PHF20L1: variants seen among roughly 807,000 people sequenced by gnomAD.
PHF20L1 encodes the protein PHD finger protein 20 like 1, also known as PHD finger protein 20-like protein 1.
Under a neutral mutation model 125.5 loss-of-function variants are expected in PHF20L1, and 44 were observed. The ratio of observed to expected loss-of-function variants is 0.35; its 90% confidence interval spans 0.28 to 0.45. PHF20L1 has a LOEUF of 0.45. PHF20L1 is among the 20% of genes least tolerant of loss of function. PHF20L1 has a pLI of 1.00. For synonymous variants in PHF20L1, 380 were observed against 403.1 expected (o/e 0.94, Z 0.69); for missense variants, 1,012 against 1,217.2 (o/e 0.83, Z 2.51).
chr8:132,806,648 TCAA>T (rs1484368474), intron 8 of PHF20L1: 1 of 152,114 alleles, frequency 6.6e-6, no homozygotes, highest in Non-Finnish European at 1.5e-5. Flanking sequence ...AAGATTGTCT[TCAA>T]CAGTTGAAAT....
At chr8:132,815,851 T>G (rs1732289450) in intron 10 of PHF20L1, 1 of 151,930 alleles carries the variant, frequency 6.6e-6, no homozygotes, top group South Asian at 2.1e-4. Flanking sequence ...AAGCTTCATT[T>G]CATTATGGCA....
At chr8:132,802,514 T>C (rs1833195782) in intron 6 of PHF20L1, among the ~76,000 whole-genome samples, 1 of 151,820 alleles carries the variant, frequency 6.6e-6, no homozygotes, top group Admixed American at 6.6e-5. Context: ...AGCTTATAGC[T>C]AATTGTATTT....
chr8:132,795,179 AATTCAAATCAG>A (rs1832239537), intron 4 of PHF20L1, among the ~76,000 whole-genome samples: 1 of 152,108 alleles, frequency 6.6e-6, no homozygotes, highest in South Asian at 2.1e-4. Flanking sequence ...GATTTAGGGG[AATTCAAATCAG>A]TTCAATTCAC....
intron 9 of PHF20L1, chr8:132,811,426 AC>A: frequency 9.5e-7 from 1 of 1,047,538 alleles, no homozygotes; most frequent in South Asian, 4.1e-5. Flanking sequence ...TTACAAAAAG[AC>A]CCTTACACAA....
intron 2 of PHF20L1, among the ~76,000 whole-genome samples, chr8:132,786,714 C>T (rs892064893): frequency 6.6e-6 from 1 of 152,054 alleles, no homozygotes; most frequent in Non-Finnish European, 1.5e-5. Context: ...TCAGAGCCTC[C>T]ATGACCTCCC....
At chr8:132,799,642 C>T (rs1172124835) in intron 6 of PHF20L1, 1 of 153,024 alleles carries the variant, frequency 6.5e-6, no homozygotes, top group African/African-American at 2.4e-5. Flanking sequence ...TGGAAATATG[C>T]TACGTATTTG....
intron 15 of PHF20L1, 68 bp downstream of exon 15, chr8:132,832,467 G>T: frequency 8.7e-7 from 1 of 1,148,138 alleles, no homozygotes; most frequent in Non-Finnish European, 1.3e-6. Flanking sequence ...AGAATAAAAC[G>T]TACTCTGTTA....
intron 18 of PHF20L1, among the ~76,000 whole-genome samples, chr8:132,839,952 G>T (rs1395456697): frequency 6.6e-6 from 1 of 152,080 alleles, no homozygotes; most frequent in Non-Finnish European, 1.5e-5. Context: ...TCTAAGCAGG[G>T]TGAGTATTTT....
Position 132,799,147 on chromosome 8 carries a change from C to T in PHF20L1, c.482C>T (p.Ser161Leu), listed in dbSNP as rs200752861. ...SWCCPIDPAG[S>L]CNQSMGSEDW... ...TGTTGTCCTATCGACCCAGCTGGATCGTGTAACCAGTCTATGGGAAGTGAG... is the reference window on the plus strand; with the variant it reads ...TGTTGTCCTATCGACCCAGCTGGATTGTGTAACCAGTCTATGGGAAGTGAG... Residue 161 changes from serine to leucine, a missense_variant, in exon 6 of 21, where the codon TCG becomes TTG. Physicochemically the swap from Ser to Leu is moderately radical, Grantham distance 145. This residue lies in a region of PHF20L1 where 134 missense variants were observed against 145.9 expected (regional missense o/e 0.92). Coordinates refer to ENST00000395386, the MANE Select transcript of PHF20L1 (RefSeq NM_016018.5). 5.0e-4 allele frequency: 806 copies of T among 1,609,080 alleles called. 12 individuals are homozygous for T. In the South Asian group the frequency reaches 6.0e-3, roughly 12 times the overall value.
At chr8:132,802,209 A>G (rs950458642) in intron 6 of PHF20L1, among the ~76,000 whole-genome samples, 1 of 151,292 alleles carries the variant, frequency 6.6e-6, no homozygotes, top group Non-Finnish European at 1.5e-5. Flanking sequence ...TGAAAGCTCA[A>G]CTTAGCCATA....
chr8:132,803,529 T>C lies in PHF20L1; in HGVS notation c.508-290T>C, dbSNP rs79521606. 9.3e-3 allele frequency: 3,008 copies of C among 324,534 alleles called. 87 individuals carry two copies. The highest frequency in any genetic ancestry group is 0.06 in the African/African-American group (2,745 of 45,944). The allele number at this position is 324,534 out of a possible 1,614,324, so 20.1% of individuals were successfully genotyped here. ...GTCATGTAGTATTCCATATCTGCCA[T>C]AGGTTTCCTCTGCTATTTTAGATTT... On this transcript the variant is annotated intron_variant, in intron 6 of 20. Coordinates refer to ENST00000395386, the MANE Select transcript of PHF20L1 (RefSeq NM_016018.5).
chr8:132,824,612 G>T (rs894462070), intron 13 of PHF20L1: 7 of 160,442 alleles, frequency 4.4e-5, no homozygotes, highest in Non-Finnish European at 8.3e-5. Context: ...GCAATAGCTA[G>T]TAGGATATGT....
Position 132,816,873 on chromosome 8 carries a change from A to C in PHF20L1, c.1184-15A>C, listed in dbSNP as rs759896769. 1 of 1,583,272 alleles carries C rather than the reference A, an allele frequency of 6.3e-7. No homozygotes were observed. Among genetic ancestry groups the C allele is most frequent in the Non-Finnish European group, 8.7e-7 (1 of 1,153,550 alleles). On this transcript the variant is annotated splice_polypyrimidine_tract_variant and intron_variant, in intron 10 of 20. Coordinates refer to ENST00000395386, the MANE Select transcript of PHF20L1 (RefSeq NM_016018.5). ...GTATGTATCTGCTTCGTGAACATTG[A>C]AGATCTTTTTCTAGGTCCTCCACAG...
chr8:132,836,786 C>T lies in PHF20L1; in HGVS notation c.2091+65C>T, dbSNP rs778198675. ...TTTCAGGTGCTCAGCAAATGCATCA[C>T]GGTGTTTTATTTCTTTACTGACTGT... On this transcript the variant is annotated intron_variant, in intron 16 of 20. Coordinates refer to ENST00000395386, the MANE Select transcript of PHF20L1 (RefSeq NM_016018.5). 3.2e-4 allele frequency: 382 copies of T among 1,185,792 alleles called. 1 individual carries two copies. The highest frequency in any genetic ancestry group is 4.3e-4 in the Non-Finnish European group (350 of 812,294). 73.5% of individuals were successfully genotyped at this position (1,185,792 alleles called of 1,614,324 possible). A position where few individuals can be genotyped will look rare whatever the true frequency, so the allele number is the denominator to read the frequency against.
At chr8:132,823,055 G>T (rs1019827499) in intron 12 of PHF20L1, among the ~76,000 whole-genome samples, 3 of 151,858 alleles carry the variant, frequency 2.0e-5, no homozygotes, top group African/African-American at 7.2e-5. Flanking sequence ...AGTAATTAAA[G>T]GTGCAATATT....
At chr8:132,838,183 A>G (rs907219706) in intron 17 of PHF20L1, 1 of 182,856 alleles carries the variant, frequency 5.5e-6, no homozygotes, top group Non-Finnish European at 1.2e-5. Context: ...AGACAAATAC[A>G]TTAGCATATA....
At chr8:132,843,142 T>A in intron 19 of PHF20L1, 1 of 1,111,438 alleles carries the variant, frequency 9.0e-7, no homozygotes, top group Non-Finnish European at 1.1e-6. Flanking sequence ...TTTCGATGCT[T>A]CTAAAAAATG....
In PHF20L1 at chr8:132,786,808, T is replaced by C. The variant is rs573547570; in HGVS notation, c.84-7602T>C. Among the ~76,000 whole-genome samples, 72 of 152,244 alleles carry C rather than the reference T, an allele frequency of 4.7e-4. 1 individual carries two copies. The highest frequency in any genetic ancestry group is 2.8e-4 in the Non-Finnish European group (19 of 67,984). ...AAAATAATGCATGTTATATGCCACA[T>C]GGTAGGCACATAAACATTAGTTTTA... On this transcript the variant is annotated intron_variant, in intron 2 of 20. Transcript: ENST00000395386.
intron 18 of PHF20L1, among the ~76,000 whole-genome samples, chr8:132,840,454 G>T (rs1217593362): frequency 1.3e-5 from 2 of 152,026 alleles, no homozygotes; most frequent in African/African-American, 4.8e-5. Context: ...TTCATTCTTT[G>T]TACTGCTGCC....
Sources: gnomAD v4.1 joint callset for allele counts (sites outside exome capture counted in the v4.1 genomes callset) on GRCh38, gnomAD v4.1.1 for gene constraint, gnomAD v4.1.1 regional missense constraint, MANE v1.5 for transcripts, NCBI Gene and HGNC (gene_info 2026-07-23, HGNC 2026-07-21) for gene names.